The following DNAH7 variants were observed in gnomAD, a reference collection of about 807,000 sequenced individuals.
DNAH7 encodes axonemal beta dynein heavy chain 7.
Under a neutral mutation model 444.6 loss-of-function variants are expected in DNAH7, and 397 were observed. That is an observed-to-expected ratio of 0.89 (90% CI 0.82 to 0.97). The LOEUF is 0.97. DNAH7 is among the 50% of genes least tolerant of loss of function. The probability of loss-of-function intolerance (pLI) is 0.00; values close to 1 mark genes in which losing one functional copy is unlikely to be tolerated. For synonymous variants in DNAH7, 1,636 were observed against 1,624.4 expected (o/e 1.01, Z -0.17); for missense variants, 4,902 against 4,800.8 (o/e 1.02, Z -0.62).
At chr2:196,032,102 G>A (rs1383137051) in intron 5 of DNAH7, among the ~76,000 whole-genome samples, 2 of 152,174 alleles carry the variant, frequency 1.3e-5, no homozygotes, top group African/African-American at 4.8e-5. Flanking sequence ...AATCATGGCA[G>A]AAGGCAAAAG....
At chr2:195,875,393 T>C (rs1489593790) in intron 38 of DNAH7, among the ~76,000 whole-genome samples, 3 of 151,878 alleles carry the variant, frequency 2.0e-5, no homozygotes, top group South Asian at 4.1e-4. Context: ...TTTGGAAGAC[T>C]TCCAGAAGGT....
intron 24 of DNAH7, among the ~76,000 whole-genome samples, chr2:195,919,160 G>T (rs778606822): frequency 8.0e-5 from 12 of 150,060 alleles, no homozygotes; most frequent in Non-Finnish European, 1.5e-4. Flanking sequence ...TGAGGCAGGA[G>T]AATCACTTGA....
chr2:195,767,083 A>G (rs1694625123), intron 61 of DNAH7, among the ~76,000 whole-genome samples: 1 of 151,884 alleles, frequency 6.6e-6, no homozygotes. Context: ...TGTTTTTCTA[A>G]CATATATTTG....
chr2:195,861,642 T>C, intron 42 of DNAH7, 75 bp downstream of exon 42: 1 of 933,514 alleles, frequency 1.1e-6, no homozygotes, highest in Non-Finnish European at 1.6e-6. Flanking sequence ...CTCCATTATA[T>C]ATTATGTCGT....
chr2:195,830,450 T>C (rs184901489), intron 48 of DNAH7, among the ~76,000 whole-genome samples: 1 of 152,114 alleles, frequency 6.6e-6, no homozygotes, highest in African/African-American at 2.4e-5. Flanking sequence ...TAGAAAAAAA[T>C]CTTCTTCTAC....
intron 31 of DNAH7, 22 bp from the exon 32 acceptor site, chr2:195,889,003 A>C (rs770823060): frequency 3.1e-6 from 5 of 1,590,740 alleles, no homozygotes; most frequent in Non-Finnish European, 4.3e-6. Context: ...ATATGTGAAC[A>C]GAGGGCAAAA....
At chr2:195,744,565 G>C (rs536705656) in intron 63 of DNAH7, among the ~76,000 whole-genome samples, 3 of 152,358 alleles carry the variant, frequency 2.0e-5, no homozygotes, top group African/African-American at 7.2e-5. Context: ...GTGGGTCCCT[G>C]ACCCCTCACC....
intron 1 of DNAH7, 59 bp from the exon 2 acceptor site, chr2:196,058,175 A>AT: frequency 7.3e-7 from 1 of 1,377,548 alleles, no homozygotes; most frequent in Non-Finnish European, 9.9e-7. Context: ...AAATTGATTC[A>AT]CTCAACCAAA....
At chr2:195,941,139 T>G (rs6741905) in intron 19 of DNAH7, among the ~76,000 whole-genome samples, 8,540 of 152,112 alleles carry the variant, frequency 0.056, 386 homozygotes, top group African/African-American at 0.13. Context: ...CCATCAATGA[T>G]AGACTGAATA....
chr2:195,749,249 C>T lies in DNAH7; in HGVS notation c.11764+5088G>A, dbSNP rs185491008. Among the ~76,000 whole-genome samples the T allele has an allele frequency of 2.7e-3, 413 of 152,262 alleles. 1 individual carries two copies. Among genetic ancestry groups the T allele is most frequent in the Non-Finnish European group, 5.0e-3 (337 of 68,024 alleles). ...TGAAAAAATGCTCACCATCACTGGC[C>T]GTCAGAGAAATGCAAATCAAAACCA... On this transcript the variant is annotated intron_variant, in intron 63 of 64. Coordinates refer to ENST00000312428, the MANE Select transcript of DNAH7 (RefSeq NM_018897.3).
chr2:195,962,204 T>C (rs1472459402), intron 17 of DNAH7, among the ~76,000 whole-genome samples: 3 of 152,214 alleles, frequency 2.0e-5, no homozygotes, highest in Admixed American at 6.5e-5. Context: ...AAAAAAATAT[T>C]TGTGGGTACA....
chr2:195,761,998 T>C (rs1694370875), intron 61 of DNAH7, among the ~76,000 whole-genome samples: 5 of 151,968 alleles, frequency 3.3e-5, no homozygotes, highest in Admixed American at 3.3e-4. Context: ...GACTAAAAGA[T>C]GAACAAATAA....
At chr2:195,889,045 A>G (rs1047433684) in intron 31 of DNAH7, 64 bp from the exon 32 acceptor site, 8 of 1,433,098 alleles carry the variant, frequency 5.6e-6, no homozygotes, top group East Asian at 4.6e-5. Flanking sequence ...GAAACAGTTC[A>G]ATAATATTAT....
rs755243285 is a variant in DNAH7 at position 195,888,445 on chromosome 2, A to G, written c.5230-11T>C. ...GCCACATCTGGAAACCTGGAAAGCC[A>G]TAATTGGTTACCATCAAGGTAATAA... On this transcript the variant is annotated splice_polypyrimidine_tract_variant and intron_variant, in intron 32 of 64. Transcript: ENST00000312428. 9.5e-6 allele frequency: 15 copies of G among 1,577,804 alleles called. No individual in the cohort carries two copies. Among genetic ancestry groups the G allele is most frequent in the Non-Finnish European group, 1.2e-5 (14 of 1,169,856 alleles).
intron 64 of DNAH7, among the ~76,000 whole-genome samples, chr2:195,740,146 G>C (rs1692910479): frequency 6.6e-6 from 1 of 152,022 alleles, no homozygotes; most frequent in Non-Finnish European, 1.5e-5. Flanking sequence ...AACACACCCG[G>C]CTAATTTTTG....
intron 12 of DNAH7, chr2:195,999,251 G>GA (rs1248780331): frequency 2.8e-6 from 2 of 710,462 alleles, no homozygotes; most frequent in Non-Finnish European, 5.2e-6. Context: ...CTCTGTAGAG[G>GA]AAAAAAACAA....
chr2:195,864,600 C>T lies in DNAH7; in HGVS notation c.7055G>A (p.Arg2352Lys). 1 of 1,614,180 alleles carries T rather than the reference C, an allele frequency of 6.2e-7. No individual in the cohort carries two copies. The highest frequency in any genetic ancestry group is 1.6e-4 in the Middle Eastern group (1 of 6,062). The change falls in exon 41 of 65, where the codon AGA becomes AAA. Residue 2352 changes from arginine to lysine, a missense_variant. Arg to Lys is a conservative substitution (Grantham distance 26). Coordinates refer to ENST00000312428, the MANE Select transcript of DNAH7 (RefSeq NM_018897.3). ...ATAATCAGCCATGTGGGCAGCTAAT[C>T]TGGTGACAGACTGCCTTCCACTCCC... ...VGGSGRQSVT[R>K]LAAHMADYSV...
At chr2:195,820,151 T>C (rs529322971) in intron 49 of DNAH7, among the ~76,000 whole-genome samples, 2 of 152,308 alleles carry the variant, frequency 1.3e-5, no homozygotes, top group African/African-American at 2.4e-5. Flanking sequence ...GAATTCAATG[T>C]GTGCAGTCGG....
At chr2:195,935,258 T>C (rs546077180) in intron 20 of DNAH7, among the ~76,000 whole-genome samples, 1 of 152,218 alleles carries the variant, frequency 6.6e-6, no homozygotes, top group East Asian at 1.9e-4. Flanking sequence ...CTAAATCAAC[T>C]GCGTTGACAG....
Sources: allele counts gnomAD v4.1 joint callset (sites outside exome capture counted in the v4.1 genomes callset), GRCh38; gene constraint gnomAD v4.1.1; transcripts MANE v1.5; gene names NCBI Gene and HGNC (gene_info 2026-07-23, HGNC 2026-07-21).